ARHGAP19: variants seen among roughly 807,000 people sequenced by gnomAD.
ARHGAP19 encodes the protein Rho GTPase activating protein 19.
In ARHGAP19, 48 loss-of-function variants were observed where a neutral mutation model predicts 60.9. The observed-to-expected ratio is 0.79, with a 90% CI of 0.62 to 1.00. The LOEUF (loss-of-function observed/expected upper bound fraction) is 1.00, where lower values mean the gene tolerates loss of function less well. ARHGAP19 is among the 50% of genes least tolerant of loss of function. The pLI, the probability that ARHGAP19 is intolerant of heterozygous loss-of-function variation, is 0.00. For missense variants in ARHGAP19, 562 were observed against 597.2 expected, an observed-to-expected ratio of 0.94 and a Z score of 0.61; for synonymous variants, 209 against 215.5, an observed-to-expected ratio of 0.97 and a Z score of 0.27.
intron 1 of ARHGAP19, chr10:97,270,527 C>CA: frequency 4.1e-6 from 5 of 1,232,716 alleles, no homozygotes; most frequent in Non-Finnish European, 5.6e-6. Flanking sequence ...TATATTTAAG[C>CA]AAAAACAACT....
At chr10:97,230,571 T>C (rs1039467511) in intron 9 of ARHGAP19, among the ~76,000 whole-genome samples, 1 of 152,142 alleles carries the variant, frequency 6.6e-6, no homozygotes, top group South Asian at 2.1e-4. Context: ...AGAGAATAAA[T>C]TTGAATTCTA....
At chr10:97,253,164 G>A (rs770863582) in intron 6 of ARHGAP19, among the ~76,000 whole-genome samples, 8 of 152,014 alleles carry the variant, frequency 5.3e-5, no homozygotes, top group Non-Finnish European at 8.8e-5. Flanking sequence ...CGAGGCGGGC[G>A]GTCAGGAGTT....
In ARHGAP19 at chr10:97,233,943, G is replaced by A. The variant is rs182354312; in HGVS notation, c.1284+1274C>T. ...GAACAACACACACTGGGGCCTGTTG[G>A]GGGGTGGAGTGGGGGGAAGGAGAGT... is the stretch of plus-strand genomic sequence containing the variant. On this transcript the variant is annotated intron_variant, in intron 9 of 11. Transcript: ENST00000358531. Among the ~76,000 whole-genome samples the A allele has an allele frequency of 2.8e-3, 422 of 151,638 alleles. 3 individuals are homozygous for A. The highest frequency in any genetic ancestry group is 8.9e-3 in the African/African-American group (369 of 41,344).
chr10:97,258,279 A>G (rs1326738759), intron 5 of ARHGAP19, among the ~76,000 whole-genome samples: 1 of 152,178 alleles, frequency 6.6e-6, no homozygotes, highest in African/African-American at 2.4e-5. Flanking sequence ...TAATCCCAGC[A>G]CTTCGAGAGG....
At chr10:97,257,945 C>T (rs1378388629) in intron 5 of ARHGAP19, among the ~76,000 whole-genome samples, 1 of 152,124 alleles carries the variant, frequency 6.6e-6, no homozygotes, top group Non-Finnish European at 1.5e-5. Context: ...TCACTTAAGG[C>T]ATCAATAGGT....
intron 9 of ARHGAP19, among the ~76,000 whole-genome samples, chr10:97,234,078 C>A (rs1027504478): frequency 1.3e-5 from 2 of 150,622 alleles, no homozygotes; most frequent in African/African-American, 4.9e-5. Context: ...ACCAGCCTGG[C>A]CGACATGGTG....
intron 1 of ARHGAP19, among the ~76,000 whole-genome samples, chr10:97,273,687 C>A (rs892023206): frequency 6.6e-6 from 1 of 150,602 alleles, no homozygotes; most frequent in African/African-American, 2.4e-5. Flanking sequence ...CAGGGTTTCA[C>A]CATGTTGAGC....
intron 1 of ARHGAP19, among the ~76,000 whole-genome samples, chr10:97,267,442 C>T (rs1842912266): frequency 6.6e-6 from 1 of 152,210 alleles, no homozygotes; most frequent in Admixed American, 6.5e-5. Context: ...AGTGGATCTA[C>T]AGTTCTGGGA....
intron 2 of ARHGAP19, chr10:97,265,294 G>T: frequency 5.5e-6 from 1 of 181,356 alleles, no homozygotes; most frequent in Non-Finnish European, 1.1e-5. Flanking sequence ...TTGAGGCCAG[G>T]AGTTTGAGAC....
rs1850976355 is a variant in ARHGAP19 at position 97,229,950 on chromosome 10, C to T, written c.1285-76G>A. On this transcript the variant is annotated intron_variant, in intron 9 of 11. Transcript: ENST00000358531. ...AGTGGAGCTATACTAGCCTTCAAAA[C>T]TGTAATGTCCTTGGGTTAAAAAAAT... 3.8e-6 allele frequency: 4 copies of T among 1,044,446 alleles called. No individual in the cohort carries two copies. In the South Asian group the frequency reaches 5.9e-5, roughly 15 times the overall value. The allele number at this position is 1,044,446 out of a possible 1,614,324, so 64.7% of individuals were successfully genotyped here. A position where few individuals can be genotyped will look rare whatever the true frequency, so the allele number is the denominator to read the frequency against.
intron 1 of ARHGAP19, among the ~76,000 whole-genome samples, chr10:97,284,677 T>C (rs1168796217): frequency 6.6e-6 from 1 of 151,794 alleles, no homozygotes; most frequent in Non-Finnish European, 1.5e-5. Context: ...GGCTAACTAT[T>C]TTTATTTTTA....
At chr10:97,249,822 G>A (rs1001586475) in intron 6 of ARHGAP19, among the ~76,000 whole-genome samples, 4 of 145,074 alleles carry the variant, frequency 2.8e-5, no homozygotes, top group African/African-American at 7.6e-5. Flanking sequence ...TTTTTGAGAC[G>A]GAGTCTGGCT....
At chr10:97,288,577 CT>C (rs976425381) in intron 1 of ARHGAP19, among the ~76,000 whole-genome samples, 15 of 139,650 alleles carry the variant, frequency 1.1e-4, no homozygotes, top group Non-Finnish European at 2.2e-4. Context: ...AAGACTCCAT[CT>C]AAAAAAAAAA....
At chr10:97,268,765 T>A (rs1049719382) in intron 1 of ARHGAP19, among the ~76,000 whole-genome samples, 1 of 152,152 alleles carries the variant, frequency 6.6e-6, no homozygotes, top group East Asian at 1.9e-4. Flanking sequence ...CCCACAACCG[T>A]GGGGATTATG....
intron 6 of ARHGAP19, among the ~76,000 whole-genome samples, chr10:97,254,754 C>T (rs1215876697): frequency 6.6e-6 from 1 of 152,006 alleles, no homozygotes; most frequent in Admixed American, 6.6e-5. Context: ...AGGCAACCCA[C>T]AGAATAGGAG....
intron 9 of ARHGAP19, among the ~76,000 whole-genome samples, chr10:97,230,628 T>C (rs180942936): frequency 3.3e-5 from 5 of 152,216 alleles, no homozygotes; most frequent in Middle Eastern, 3.4e-3. Context: ...GCATTATAAA[T>C]ATGAGCAGCA....
At chr10:97,229,096 T>G in intron 11 of ARHGAP19, 51 bp downstream of exon 11, 1 of 1,497,162 alleles carries the variant, frequency 6.7e-7, no homozygotes, top group Non-Finnish European at 9.3e-7. Context: ...ACTGACTAGA[T>G]GCAGAAAGGA....
chr10:97,240,582 T>C (rs1013639853), intron 8 of ARHGAP19, among the ~76,000 whole-genome samples: 5 of 152,052 alleles, frequency 3.3e-5, no homozygotes, highest in Admixed American at 2.0e-4. Context: ...GCCCAGGAGG[T>C]GGAGGCTGCA....
chr10:97,285,766 C>G (rs1274956818), intron 1 of ARHGAP19, among the ~76,000 whole-genome samples: 1 of 152,056 alleles, frequency 6.6e-6, no homozygotes, highest in Non-Finnish European at 1.5e-5. Flanking sequence ...GTGATCTGCC[C>G]GCCTCGGCCT....
Sources: gnomAD v4.1 joint callset for allele counts (sites outside exome capture counted in the v4.1 genomes callset) on GRCh38, gnomAD v4.1.1 for gene constraint, MANE v1.5 for transcripts, NCBI Gene and HGNC (gene_info 2026-07-23, HGNC 2026-07-21) for gene names.